Variants in MSRA observed in about 807,000 individuals in gnomAD.
MSRA encodes the protein mitochondrial peptide methionine sulfoxide reductase.
MSRA carries 54 observed loss-of-function variants against 31.3 expected under a neutral mutation model. That is an observed-to-expected ratio of 1.73 (90% confidence interval 1.39 to 2.17). The LOEUF (loss-of-function observed/expected upper bound fraction) is 2.17. Among genes scored for constraint, MSRA ranks in the 30% most tolerant of loss-of-function variants. MSRA has a pLI of 0.00. For missense variants in MSRA, 507 were observed against 300.9 expected (o/e 1.69, Z -5.07); for synonymous variants, 169 against 116.5 (o/e 1.45, Z -2.90).
At chr8:10,133,182 C>T (rs771813978) in intron 1 of MSRA, among the ~76,000 whole-genome samples, 6 of 152,052 alleles carry the variant, frequency 3.9e-5, no homozygotes, top group East Asian at 1.9e-4. Context: ...GTGGGGAAGG[C>T]GGTGAGGGTG....
At chr8:10,217,582 C>T (rs1055101555) in intron 2 of MSRA, among the ~76,000 whole-genome samples, 1 of 152,124 alleles carries the variant, frequency 6.6e-6, no homozygotes. Context: ...TATAATGAAG[C>T]CTTGCTCGCT....
intron 1 of MSRA, among the ~76,000 whole-genome samples, chr8:10,071,326 C>T (rs529910267): frequency 1.3e-5 from 2 of 152,100 alleles, no homozygotes; most frequent in East Asian, 3.8e-4. Flanking sequence ...CTTTGGTAGA[C>T]GTTAAACATT....
intron 1 of MSRA, among the ~76,000 whole-genome samples, chr8:10,101,049 T>G (rs767473149): frequency 1.5e-4 from 23 of 152,334 alleles, no homozygotes; most frequent in Non-Finnish European, 2.6e-4. Flanking sequence ...GTGTTTCACC[T>G]TAGCTGTATT....
At chr8:10,112,761 C>A (rs1585174076) in intron 1 of MSRA, among the ~76,000 whole-genome samples, 1 of 151,736 alleles carries the variant, frequency 6.6e-6, no homozygotes, top group East Asian at 1.9e-4. Context: ...GCTTTCTGAG[C>A]CCTGCAGGGG....
chr8:10,087,079 A>T (rs1798598075), intron 1 of MSRA, among the ~76,000 whole-genome samples: 1 of 152,190 alleles, frequency 6.6e-6, no homozygotes. Flanking sequence ...CAATAATAAG[A>T]ATTGTCACGT....
chr8:10,115,831 A>G (rs989232563), intron 1 of MSRA, among the ~76,000 whole-genome samples: 2 of 152,256 alleles, frequency 1.3e-5, no homozygotes, highest in African/African-American at 2.4e-5. Flanking sequence ...TCCACACTCA[A>G]TGACTGTTTA....
intron 2 of MSRA, among the ~76,000 whole-genome samples, chr8:10,218,156 ATTT>A (rs1810167560): frequency 7.5e-6 from 1 of 133,022 alleles, no homozygotes; most frequent in Non-Finnish European, 1.7e-5. Flanking sequence ...TTATTTATTT[ATTT>A]ATTTTGAGAA....
Position 10,415,887 on chromosome 8 carries a change from A to G in MSRA, c.544-12261A>G, listed in dbSNP as rs541574372. On this transcript the variant is annotated intron_variant, in intron 5 of 5. Coordinates refer to ENST00000317173, the MANE Select transcript of MSRA (RefSeq NM_012331.5). Reference sequence around the variant, plus strand: ...CCTCCTGCAATTTCCCAGCAGGATTAACCTTTCCTTCCTCCATGCCCTCAA... The same window carrying G: ...CCTCCTGCAATTTCCCAGCAGGATTGACCTTTCCTTCCTCCATGCCCTCAA... Among the ~76,000 whole-genome samples, 20 of 152,036 alleles carry G rather than the reference A, an allele frequency of 1.3e-4. No individual in the cohort carries two copies. The South Asian group carries it at 2.3e-3, about 17-fold the overall frequency.
chr8:10,139,877 TCA>T (rs1802559233), intron 1 of MSRA, among the ~76,000 whole-genome samples: 1 of 152,248 alleles, frequency 6.6e-6, no homozygotes. Context: ...ATTGTTTTCC[TCA>T]GTGTTGTGTG....
intron 3 of MSRA, among the ~76,000 whole-genome samples, chr8:10,292,500 C>T (rs1800294983): frequency 6.6e-6 from 1 of 152,258 alleles, no homozygotes. Context: ...CATCTCCTCT[C>T]CCTGCCCTTG....
chr8:10,408,154 G>A (rs868825539), intron 5 of MSRA, among the ~76,000 whole-genome samples: 30 of 152,150 alleles, frequency 2.0e-4, no homozygotes, highest in African/African-American at 4.3e-4. Context: ...AGAAAGGGTC[G>A]CATCCCTGGG....
intron 5 of MSRA, among the ~76,000 whole-genome samples, chr8:10,425,865 G>A (rs1381774260): frequency 6.6e-6 from 1 of 152,214 alleles, no homozygotes; most frequent in East Asian, 1.9e-4. Flanking sequence ...AGCTGTAAGA[G>A]ATGACAGATT....
intron 5 of MSRA, among the ~76,000 whole-genome samples, chr8:10,322,349 G>A (rs866582036): frequency 7.1e-5 from 10 of 141,740 alleles, no homozygotes; most frequent in Non-Finnish European, 1.2e-4. Flanking sequence ...AGAAGTAATG[G>A]AAGCTTTGTC....
intron 2 of MSRA, among the ~76,000 whole-genome samples, chr8:10,233,951 A>G (rs1419475149): frequency 1.3e-5 from 2 of 152,210 alleles, no homozygotes; most frequent in Non-Finnish European, 2.9e-5. Flanking sequence ...CATTGCCTAC[A>G]AAGAAATGAC....
At chr8:10,168,567 G>A (rs1175493032) in intron 1 of MSRA, among the ~76,000 whole-genome samples, 1 of 152,174 alleles carries the variant, frequency 6.6e-6, no homozygotes, top group Non-Finnish European at 1.5e-5. Context: ...TTTAAACCTA[G>A]TAGCAAAACC....
chr8:10,402,222 A>G (rs904440954), intron 5 of MSRA, among the ~76,000 whole-genome samples: 3 of 152,098 alleles, frequency 2.0e-5, no homozygotes, highest in East Asian at 1.9e-4. Flanking sequence ...TCCCACCTCT[A>G]AACATTTGGC....
intron 5 of MSRA, among the ~76,000 whole-genome samples, chr8:10,390,218 G>C (rs10107920): frequency 0.11 from 17,252 of 152,288 alleles, 2,414 homozygotes; most frequent in African/African-American, 0.34. Flanking sequence ...GGTCTGCTCT[G>C]AGGGGATGGG....
chr8:10,300,403 C>T (rs1412075786), intron 3 of MSRA, among the ~76,000 whole-genome samples: 2 of 151,980 alleles, frequency 1.3e-5, no homozygotes, highest in South Asian at 2.1e-4. Context: ...TTACAGACAC[C>T]CACCACCACG....
chr8:10,282,618 C>T (rs941871494), intron 3 of MSRA, among the ~76,000 whole-genome samples: 2 of 152,172 alleles, frequency 1.3e-5, no homozygotes, highest in Non-Finnish European at 2.9e-5. Context: ...ACCTTCTCGT[C>T]TGTTCTCTGA....
Sources: gnomAD v4.1 joint callset for allele counts (sites outside exome capture counted in the v4.1 genomes callset) on GRCh38, gnomAD v4.1.1 for gene constraint, MANE v1.5 for transcripts, NCBI Gene and HGNC (gene_info 2026-07-23, HGNC 2026-07-21) for gene names.